The following ERG variants were observed in gnomAD, a reference collection of about 807,000 sequenced individuals.
ERG encodes the protein ETS transcription factor ERG, also known as transcriptional regulator ERG.
ERG carries 9 observed loss-of-function variants against 55.3 expected under a neutral mutation model. The observed-to-expected ratio is 0.16, with a 90% CI of 0.10 to 0.28. The LOEUF (loss-of-function observed/expected upper bound fraction) is 0.28. Ranked by LOEUF, ERG falls within the 10% of genes least tolerant of loss-of-function variation. The probability of loss-of-function intolerance (pLI) is 1.00; values close to 1 mark genes in which losing one functional copy is unlikely to be tolerated. For synonymous variants in ERG, 223 were observed against 237.3 expected (o/e 0.94, Z 0.55); for missense variants, 434 against 631.6 (o/e 0.69, Z 3.35).
At chr21:38,555,101 C>T (rs1054267804) in intron 2 of ERG, among the ~76,000 whole-genome samples, 1 of 151,880 alleles carries the variant, frequency 6.6e-6, no homozygotes. Context: ...CTGAGGCGGG[C>T]GGATTACCTG....
chr21:38,387,256 G>A (rs966920019), intron 9 of ERG, among the ~76,000 whole-genome samples: 3 of 152,136 alleles, frequency 2.0e-5, no homozygotes, highest in Non-Finnish European at 2.9e-5. Context: ...AGTGGTTTGG[G>A]GCCACTTTCT....
intron 2 of ERG, among the ~76,000 whole-genome samples, chr21:38,540,144 T>C (rs1397012479): frequency 1.3e-5 from 2 of 151,962 alleles, no homozygotes; most frequent in Admixed American, 6.6e-5. Context: ...GATCCACCCA[T>C]CTTGGCCTCC....
At chr21:38,619,255 T>C (rs1258403868) in intron 1 of ERG, among the ~76,000 whole-genome samples, 2 of 152,200 alleles carry the variant, frequency 1.3e-5, no homozygotes, top group African/African-American at 2.4e-5. Flanking sequence ...ACACACCTGG[T>C]ATCCAGAGAG....
At chr21:38,586,323 C>G (rs1568932367), upstream of ERG, among the ~76,000 whole-genome samples, 1 of 151,380 alleles carries the variant, frequency 6.6e-6, no homozygotes. Flanking sequence ...GAAATCTACT[C>G]TTAGTGATTT....
chr21:38,516,161 G>C (rs571249820), intron 2 of ERG, among the ~76,000 whole-genome samples: 5 of 152,100 alleles, frequency 3.3e-5, no homozygotes, highest in Admixed American at 3.3e-4. Flanking sequence ...AGCAATAAAG[G>C]TCATCCAAAC....
upstream of ERG, among the ~76,000 whole-genome samples, chr21:38,587,721 G>C (rs1303910055): frequency 3.3e-5 from 5 of 152,224 alleles, no homozygotes; most frequent in African/African-American, 1.2e-4. Context: ...CTATTGCTTG[G>C]TTAACTGTTT....
At chr21:38,582,489 T>C (rs2836541) in intron 1 of ERG, among the ~76,000 whole-genome samples, 12,020 of 152,298 alleles carry the variant, frequency 0.079, 558 homozygotes, top group South Asian at 0.13. Context: ...CTCCAAACGA[T>C]GTTCAGCAAT....
At position 38,397,131 on chromosome 21, in the gene ERG, G is replaced by A. The variant is rs79461902; in HGVS notation, c.745+3443C>T. Among the ~76,000 whole-genome samples the A allele has an allele frequency of 1.2e-3, 180 of 152,284 alleles. 5 individuals are homozygous for A. In the East Asian group the frequency reaches 0.032, roughly 27 times the overall value. The stretch of plus-strand genomic sequence containing the variant: ...AGGTTTGGACAAATGGCAGGTAGTG[G>A]TGGTGGCAGGGCATGTTCACATGTG... On this transcript the variant is annotated intron_variant, in intron 6 of 9. Transcript: ENST00000288319.
intron 9 of ERG, among the ~76,000 whole-genome samples, chr21:38,386,195 T>A (rs1987683724): frequency 6.6e-6 from 1 of 152,212 alleles, no homozygotes; most frequent in Admixed American, 6.5e-5. Flanking sequence ...AATTTCTCAC[T>A]TGACTATTTT....
intron 1 of ERG, chr21:38,472,159 AC>A (rs1172474388): frequency 6.6e-6 from 1 of 152,194 alleles, no homozygotes; most frequent in Non-Finnish European, 1.5e-5. Context: ...AACTCCTGGC[AC>A]ATACCAGATG....
chr21:38,645,692 T>G (rs1297040209), intron 1 of ERG, among the ~76,000 whole-genome samples: 1 of 152,202 alleles, frequency 6.6e-6, no homozygotes, highest in Non-Finnish European at 1.5e-5. Flanking sequence ...CTTTTACAAC[T>G]AAACAGTATT....
At chr21:38,417,684 G>C (rs8131436) in intron 3 of ERG, among the ~76,000 whole-genome samples, 45,060 of 151,968 alleles carry the variant, frequency 0.3, 7,074 homozygotes, top group South Asian at 0.43. Context: ...AGCTACTCAG[G>C]AGGCTGAGGC....
intron 7 of ERG, 40 bp from the exon 8 acceptor site, chr21:38,391,755 G>A (rs368957898): frequency 6.5e-7 from 1 of 1,544,850 alleles, no homozygotes; most frequent in Non-Finnish European, 8.9e-7. Flanking sequence ...AGCTATAACA[G>A]ATTTGGTCAC....
chr21:38,368,181 G>A, the ERG span, among the ~76,000 whole-genome samples: 57 of 152,178 alleles, frequency 3.7e-4, no homozygotes, highest in African/African-American at 1.2e-3. Flanking sequence ...TCTTCTTCCC[G>A]TTGAGAGGTA....
chr21:38,646,908 G>A (rs931552746), intron 1 of ERG, among the ~76,000 whole-genome samples: 9 of 152,134 alleles, frequency 5.9e-5, no homozygotes, highest in African/African-American at 1.2e-4. Context: ...CATCCAAAGC[G>A]TGCAGGGAAA....
At chr21:38,488,113 T>C (rs946924626) in intron 1 of ERG, among the ~76,000 whole-genome samples, 1 of 152,158 alleles carries the variant, frequency 6.6e-6, no homozygotes. Context: ...CCCTTCGCAA[T>C]GCACTGTCCC....
At chr21:38,580,302 T>C (rs536768621) in intron 1 of ERG, among the ~76,000 whole-genome samples, 148 of 152,326 alleles carry the variant, frequency 9.7e-4, no homozygotes, top group Non-Finnish European at 1.9e-3. Flanking sequence ...TTTTTACCAT[T>C]TCAGAGGTAT....
intron 1 of ERG, among the ~76,000 whole-genome samples, chr21:38,605,483 T>G (rs2060191185): frequency 6.6e-6 from 1 of 151,954 alleles, no homozygotes; most frequent in Non-Finnish European, 1.5e-5. Context: ...CAAGAAAGAA[T>G]TTACATACAT....
intron 1 of ERG, among the ~76,000 whole-genome samples, chr21:38,452,145 C>T (rs1490693208): frequency 3.5e-4 from 53 of 152,142 alleles, no homozygotes; most frequent in Admixed American, 3.5e-3. Flanking sequence ...AGTATTTCTC[C>T]AATATGGTAT....
Sources: allele counts gnomAD v4.1 joint callset (sites outside exome capture counted in the v4.1 genomes callset), GRCh38; gene constraint gnomAD v4.1.1; transcripts MANE v1.5; gene names NCBI Gene and HGNC (gene_info 2026-07-23, HGNC 2026-07-21).